ESRRG: variants seen among roughly 807,000 people sequenced by gnomAD.
ESRRG encodes the protein estrogen related receptor gamma.
ESRRG carries 13 observed loss-of-function variants against 44.0 expected under a neutral mutation model. That is an observed-to-expected ratio of 0.30 (90% CI 0.19 to 0.47). The LOEUF is 0.47. Among genes scored for constraint, ESRRG ranks in the 20% least tolerant of loss-of-function variants. ESRRG has a pLI of 1.00. For synonymous variants in ESRRG, 215 were observed against 214.6 expected (o/e 1.00, Z -0.02); for missense variants, 395 against 580.6 (o/e 0.68, Z 3.29).
Position 217,096,247 on chromosome 1 carries a change from G to A in ESRRG, c.-230+41420C>T, listed in dbSNP as rs150699362. On this transcript the variant is annotated intron_variant, in intron 1 of 8. Transcript: ENST00000366940. ...GACTCAATTTTCCATTTGAGATAGC[G>A]CATTCACTGCCTGGTTTTAGAAGGG... 2.6e-3 allele frequency among the ~76,000 whole-genome samples: 393 copies of A among 152,240 alleles called. 2 individuals carry two copies. Among genetic ancestry groups the A allele is most frequent in the African/African-American group, 8.9e-3 (370 of 41,544 alleles).
intron 2 of ESRRG, among the ~76,000 whole-genome samples, chr1:216,795,427 G>GC (rs1471778156): frequency 7.1e-6 from 1 of 139,972 alleles, no homozygotes; most frequent in Non-Finnish European, 1.5e-5. Context: ...CACTGCAACA[G>GC]CCCCCTTGAT....
chr1:216,810,163 A>T (rs528168425), intron 2 of ESRRG, among the ~76,000 whole-genome samples: 1 of 152,186 alleles, frequency 6.6e-6, no homozygotes, highest in Non-Finnish European at 1.5e-5. Flanking sequence ...ACTTTCCTGC[A>T]CTCAGATCAC....
chr1:216,545,958 C>A (rs1328784955), intron 5 of ESRRG, among the ~76,000 whole-genome samples: 1 of 151,984 alleles, frequency 6.6e-6, no homozygotes, highest in East Asian at 1.9e-4. Context: ...AAGTGAGAGA[C>A]TAGAGATGAT....
intron 3 of ESRRG, among the ~76,000 whole-genome samples, chr1:216,590,380 T>G (rs1409653567): frequency 6.6e-6 from 1 of 152,178 alleles, no homozygotes. Context: ...TCTAGAGTGC[T>G]TTACACTGAA....
At chr1:216,858,070 C>T (rs1167730236) in intron 2 of ESRRG, among the ~76,000 whole-genome samples, 1 of 151,952 alleles carries the variant, frequency 6.6e-6, no homozygotes, top group African/African-American at 2.4e-5. Flanking sequence ...TTTTCAAGCA[C>T]AATTGTAAAG....
intron 1 of ESRRG, among the ~76,000 whole-genome samples, chr1:217,085,210 G>A (rs1213473886): frequency 1.3e-5 from 2 of 151,952 alleles, no homozygotes; most frequent in Non-Finnish European, 2.9e-5. Context: ...ATTTTTATCA[G>A]GAACATACTA....
intron 2 of ESRRG, among the ~76,000 whole-genome samples, chr1:216,787,599 CAAAAAAAAAAAAAA>C (rs34433548): frequency 1.3e-5 from 1 of 76,440 alleles, no homozygotes; most frequent in Non-Finnish European, 2.5e-5. Flanking sequence ...AAGACTCCAT[CAAAAAAAAAAAAAA>C]AAAAAAAAAA....
intron 5 of ESRRG, among the ~76,000 whole-genome samples, chr1:216,534,842 G>A (rs764810463): frequency 3.3e-5 from 5 of 152,060 alleles, no homozygotes; most frequent in Admixed American, 1.3e-4. Flanking sequence ...TGATGCCCTC[G>A]GTCCTTTTGA....
chr1:217,009,246 T>C (rs1019441620), intron 1 of ESRRG, among the ~76,000 whole-genome samples: 1 of 152,090 alleles, frequency 6.6e-6, no homozygotes, highest in African/African-American at 2.4e-5. Context: ...GGGATCTATA[T>C]ATTGGTCGAC....
At position 216,650,966 on chromosome 1, in the gene ESRRG, G is replaced by C. The variant is rs375523483; in HGVS notation, c.589+7C>G. On this transcript the variant is annotated splice_region_variant and intron_variant, in intron 3 of 6. Transcript: ENST00000408911. ...AAAACCTCAGGGGCACTAGCAAAGA[G>C]CCTTACCTTCTTTCAGCATGCCCAC... The C allele has an allele frequency of 6.4e-7, 1 of 1,572,878 alleles. No individual in the cohort carries two copies. The highest frequency in any genetic ancestry group is 8.8e-7 in the Non-Finnish European group (1 of 1,142,456).
intron 2 of ESRRG, among the ~76,000 whole-genome samples, chr1:216,828,107 C>T (rs2095427925): frequency 6.6e-6 from 1 of 152,146 alleles, no homozygotes; most frequent in South Asian, 2.1e-4. Flanking sequence ...TTGAACATTT[C>T]TCTCAAGCTC....
intron 3 of ESRRG, among the ~76,000 whole-genome samples, chr1:216,644,997 C>T (rs1314840950): frequency 6.6e-6 from 1 of 151,980 alleles, no homozygotes; most frequent in Non-Finnish European, 1.5e-5. Flanking sequence ...TTTCAGATGC[C>T]CACAGAAATA....
chr1:216,648,360 G>C (rs959551183), intron 3 of ESRRG, among the ~76,000 whole-genome samples: 3 of 152,118 alleles, frequency 2.0e-5, no homozygotes, highest in African/African-American at 7.2e-5. Context: ...TTTTGCCATC[G>C]AAGTGGGCAT....
At chr1:216,628,185 T>C (rs186076734) in intron 3 of ESRRG, among the ~76,000 whole-genome samples, 4 of 152,324 alleles carry the variant, frequency 2.6e-5, no homozygotes, top group African/African-American at 9.6e-5. Context: ...ATACTTCCAG[T>C]GTACACTCAA....
Position 217,007,135 on chromosome 1 carries a change from G to A in ESRRG, c.-105-67462C>T, listed in dbSNP as rs142810258. 4.3e-3 allele frequency among the ~76,000 whole-genome samples: 660 copies of A among 152,196 alleles called. 5 individuals are homozygous for A. The highest frequency in any genetic ancestry group is 0.015 in the African/African-American group (635 of 41,554). ...ATTAAATTTACAGGATACTCACAAT[G>A]AGAGCAAAAGGAATATTTCATCACC... is the stretch of plus-strand genomic sequence containing the variant. On this transcript the variant is annotated intron_variant, in intron 1 of 7. Transcript: ENST00000359162.
chr1:216,726,807 A>C (rs528236048), upstream of ESRRG, among the ~76,000 whole-genome samples: 47 of 152,282 alleles, frequency 3.1e-4, no homozygotes, highest in Middle Eastern at 0.01. Context: ...CTCAGTCCCC[A>C]ACTAATGCAC....
chr1:216,559,737 C>T (rs2058344868), intron 5 of ESRRG, among the ~76,000 whole-genome samples: 1 of 152,080 alleles, frequency 6.6e-6, no homozygotes, highest in South Asian at 2.1e-4. Flanking sequence ...TCCACCAGTA[C>T]CCAGTAATGA....
chr1:216,798,110 C>A (rs895304343), intron 2 of ESRRG, among the ~76,000 whole-genome samples: 2 of 152,112 alleles, frequency 1.3e-5, no homozygotes, highest in African/African-American at 4.8e-5. Flanking sequence ...TTCCTGGGAC[C>A]TTAGAGCTTC....
At chr1:216,689,785 T>C (rs563962598) in intron 1 of ESRRG, among the ~76,000 whole-genome samples, 8 of 151,724 alleles carry the variant, frequency 5.3e-5, no homozygotes, top group African/African-American at 1.9e-4. Context: ...TAAACAAATA[T>C]AACTGATTAA....
Sources: gnomAD v4.1 joint callset for allele counts (sites outside exome capture counted in the v4.1 genomes callset) on GRCh38, gnomAD v4.1.1 for gene constraint, MANE v1.5 for transcripts, NCBI Gene and HGNC (gene_info 2026-07-23, HGNC 2026-07-21) for gene names.